The following SLC45A4 variants were observed in gnomAD, a reference collection of about 807,000 sequenced individuals.
SLC45A4 encodes the protein solute carrier family 45 member 4, also known as polyamine-transporter SLC45A4.
A neutral mutation model predicts 63.7 loss-of-function variants in SLC45A4; 32 were observed. The ratio of observed to expected loss-of-function variants is 0.50; its 90% CI spans 0.38 to 0.67. The LOEUF is 0.67. SLC45A4 is among the 30% of genes least tolerant of loss of function. The probability of loss-of-function intolerance (pLI) is 0.00; values close to 1 mark genes in which losing one functional copy is unlikely to be tolerated. For synonymous variants in SLC45A4, 535 were observed against 510.0 expected, an observed-to-expected ratio of 1.05 and a Z score of -0.66; for missense variants, 1,027 against 1,157.7, an observed-to-expected ratio of 0.89 and a Z score of 1.64.
chr8:141,219,960 A>G lies in SLC45A4; in HGVS notation c.431-131T>C, dbSNP rs1589769267. On this transcript the variant is annotated intron_variant, in intron 3 of 8. Coordinates refer to ENST00000517878, the MANE Select transcript of SLC45A4 (RefSeq NM_001286646.2). ...AAAACCATGCCAGCCTTCCAGCACAAGAGAGAGGCTCTTAGGCACAGAGGC... is the reference window on the plus strand; with the variant it reads ...AAAACCATGCCAGCCTTCCAGCACAGGAGAGAGGCTCTTAGGCACAGAGGC... 9.4e-6 allele frequency: 8 copies of G among 854,218 alleles called. No homozygotes were observed. The East Asian group carries it at 2.3e-4, about 24-fold the overall frequency. The allele number at this position is 854,218 out of a possible 1,614,324, so 52.9% of individuals were successfully genotyped here. A position where few individuals can be genotyped will look rare whatever the true frequency, so the allele number is the denominator to read the frequency against.
At chr8:141,240,120 A>G (rs908714276) in intron 2 of SLC45A4, among the ~76,000 whole-genome samples, 1 of 152,268 alleles carries the variant, frequency 6.6e-6, no homozygotes, top group Admixed American at 6.5e-5. Flanking sequence ...TAAAGTGAGC[A>G]TAGCTTTAGT....
intron 2 of SLC45A4, among the ~76,000 whole-genome samples, chr8:141,244,259 C>T (rs192312277): frequency 3.9e-5 from 6 of 152,314 alleles, no homozygotes; most frequent in South Asian, 2.1e-4. Flanking sequence ...CTCCTCCAAG[C>T]GAGCAGCTCC....
chr8:141,260,384 TACA>T (rs767887170), intron 1 of SLC45A4, among the ~76,000 whole-genome samples: 34 of 152,318 alleles, frequency 2.2e-4, no homozygotes, highest in Middle Eastern at 3.4e-3. Flanking sequence ...AATTAACCAC[TACA>T]ACAACATCAC....
At chr8:141,271,144 C>T (rs1190955030) in intron 1 of SLC45A4, among the ~76,000 whole-genome samples, 1 of 152,246 alleles carries the variant, frequency 6.6e-6, no homozygotes, top group African/African-American at 2.4e-5. Flanking sequence ...ACGGGGCTAA[C>T]CCCACACATT....
intron 1 of SLC45A4, among the ~76,000 whole-genome samples, chr8:141,291,742 T>C (rs1251646776): frequency 6.6e-6 from 1 of 152,230 alleles, no homozygotes; most frequent in Non-Finnish European, 1.5e-5. Context: ...TGGGTCAATG[T>C]TACTGGCGTG....
intron 1 of SLC45A4, among the ~76,000 whole-genome samples, chr8:141,270,000 A>G (rs1589835911): frequency 6.6e-6 from 1 of 152,020 alleles, no homozygotes; most frequent in African/African-American, 2.4e-5. Context: ...GGCCTGGCCC[A>G]AGCCCCAGAC....
intron 2 of SLC45A4, among the ~76,000 whole-genome samples, chr8:141,238,257 G>A (rs71516609): frequency 0.13 from 20,256 of 152,260 alleles, 1,663 homozygotes; most frequent in East Asian, 0.28. Flanking sequence ...AGTCAGCAGG[G>A]AATCCAATTT....
At chr8:141,303,765 G>A (rs1830818121) in intron 1 of SLC45A4, among the ~76,000 whole-genome samples, 1 of 152,186 alleles carries the variant, frequency 6.6e-6, no homozygotes, top group Non-Finnish European at 1.5e-5. Flanking sequence ...CAGAGTTCAG[G>A]AATGCAGTTT....
chr8:141,215,824 T>A lies in SLC45A4; in HGVS notation c.1876A>T (p.Ile626Phe). ...CAGTAGGAGATGCTCATGGAGACGA[T>A]GCCCATGGTGCTGATGGTGACCATG... Reference protein sequence around the residue: ...VAMVTISTMGIVSMSISYCPY... With the variant: ...VAMVTISTMGFVSMSISYCPY... Residue 626 changes from isoleucine to phenylalanine, a missense_variant, in exon 7 of 9, where the codon ATC becomes TTC. Ile to Phe is a conservative substitution (Grantham distance 21, BLOSUM62 0). Transcript: ENST00000517878. The surrounding 1 kb of genome is among the most constrained non-coding windows in gnomAD (Gnocchi z 4.3). 1 of 1,614,104 alleles carries A rather than the reference T, an allele frequency of 6.2e-7. No homozygotes were observed. Among genetic ancestry groups the A allele is most frequent in the Non-Finnish European group, 8.5e-7 (1 of 1,180,010 alleles).
In SLC45A4 at chr8:141,272,671, C is replaced by G. The variant is rs968219232; in HGVS notation, c.-400-18042G>C. On this transcript the variant is annotated intron_variant, in intron 1 of 8. Transcript: ENST00000517878. Reference sequence around the variant, plus strand: ...CTGCAAGCCTTAGGCCCTCACCCCCCCTACTCCTGCTATACCCTCTGCCCG... The same window carrying G: ...CTGCAAGCCTTAGGCCCTCACCCCCGCTACTCCTGCTATACCCTCTGCCCG... Among the ~76,000 whole-genome samples, 5 of 152,324 alleles carry G rather than the reference C, an allele frequency of 3.3e-5. No individual in the cohort carries two copies. In the South Asian group the frequency reaches 6.2e-4, roughly 19 times the overall value.
chr8:141,299,214 C>T (rs760769983), intron 1 of SLC45A4, among the ~76,000 whole-genome samples: 15 of 152,186 alleles, frequency 9.9e-5, no homozygotes, highest in Non-Finnish European at 1.9e-4. Flanking sequence ...GGGCCCAGCC[C>T]GGACTATAAA....
intron 2 of SLC45A4, among the ~76,000 whole-genome samples, chr8:141,233,015 C>T (rs918495302): frequency 1.3e-5 from 2 of 152,218 alleles, no homozygotes; most frequent in South Asian, 2.1e-4. Flanking sequence ...ACCTCTGCCC[C>T]GCAGGTACAG....
chr8:141,302,551 CG>C (rs1458065772), intron 1 of SLC45A4, among the ~76,000 whole-genome samples: 1 of 152,172 alleles, frequency 6.6e-6, no homozygotes, highest in Non-Finnish European at 1.5e-5. Context: ...AGGCTGGTCT[CG>C]AACTCCTGAC....
intron 2 of SLC45A4, among the ~76,000 whole-genome samples, chr8:141,252,068 A>AT (rs1004385877): frequency 6.7e-6 from 1 of 149,646 alleles, no homozygotes; most frequent in Non-Finnish European, 1.5e-5. Flanking sequence ...AACAACCAAA[A>AT]TAAGTAGGCT....
intron 1 of SLC45A4, among the ~76,000 whole-genome samples, chr8:141,301,794 CA>C (rs1041891725): frequency 1.7e-5 from 2 of 116,338 alleles, no homozygotes; most frequent in Admixed American, 9.0e-5. Context: ...CCCATCTCTG[CA>C]AAAAATAAAA....
At chr8:141,290,077 T>C (rs919235209) in intron 1 of SLC45A4, among the ~76,000 whole-genome samples, 2 of 152,186 alleles carry the variant, frequency 1.3e-5, no homozygotes, top group Non-Finnish European at 2.9e-5. Context: ...TGCTAGACAG[T>C]ACTATCATTA....
At chr8:141,212,992 C>T (rs1365806895) in intron 7 of SLC45A4, among the ~76,000 whole-genome samples, 1 of 152,198 alleles carries the variant, frequency 6.6e-6, no homozygotes, top group Admixed American at 6.5e-5. Flanking sequence ...AGGCTGGACC[C>T]ACGGAAAGAG....
rs148531697 is a variant in SLC45A4, at chr8:141,210,898, A to C, written c.*674T>G. 1,358 of 152,574 alleles carry C rather than the reference A, an allele frequency of 8.9e-3. 25 individuals carry two copies. The highest frequency in any genetic ancestry group is 0.031 in the African/African-American group (1,301 of 41,592). The allele number at this position is 152,574 out of a possible 1,614,324, so 9.5% of individuals were successfully genotyped here. A position where few individuals can be genotyped will look rare whatever the true frequency, so the allele number is the denominator to read the frequency against. The stretch of plus-strand genomic sequence containing the variant: ...AGACTGTGGTTTGGAAAACATTTCC[A>C]AATAGCTGCAGTACTTGCCCGAGTT... On this transcript the variant is annotated 3_prime_UTR_variant, in exon 9 of 9. Transcript: ENST00000517878.
At chr8:141,304,285 G>A (rs13262163) in intron 1 of SLC45A4, among the ~76,000 whole-genome samples, 65,133 of 138,884 alleles carry the variant, frequency 0.47, 15,073 homozygotes, top group Non-Finnish European at 0.55. Flanking sequence ...ACACACACAC[G>A]CAAAGGAGAG....
Sources: allele counts gnomAD v4.1 joint callset (sites outside exome capture counted in the v4.1 genomes callset), GRCh38; gene constraint gnomAD v4.1.1; non-coding constraint Gnocchi (gnomAD v3.1); transcripts MANE v1.5; gene names NCBI Gene and HGNC (gene_info 2026-07-23, HGNC 2026-07-21).